Variants in COL25A1 observed in about 807,000 individuals in gnomAD.
COL25A1 encodes the protein collagen alpha-1(XXV) chain.
COL25A1 carries 103 observed loss-of-function variants against 128.4 expected under a neutral mutation model. That is an observed-to-expected ratio of 0.80 (90% CI 0.68 to 0.94). The LOEUF is 0.94. COL25A1 is among the 40% of genes least tolerant of loss of function. The probability of loss-of-function intolerance (pLI) is 0.00; values close to 1 mark genes in which losing one functional copy is unlikely to be tolerated. For missense variants in COL25A1, 745 were observed against 840.0 expected (o/e 0.89, Z 1.40); for synonymous variants, 279 against 277.2 (o/e 1.01, Z -0.06).
At chr4:108,962,251 G>A (rs1227113086) in intron 8 of COL25A1, among the ~76,000 whole-genome samples, 2 of 150,856 alleles carry the variant, frequency 1.3e-5, no homozygotes, top group East Asian at 3.9e-4. Flanking sequence ...GCAGTGGCAG[G>A]ATCTCGACTC....
At chr4:109,094,761 T>C (rs954314038) in intron 3 of COL25A1, among the ~76,000 whole-genome samples, 2 of 152,226 alleles carry the variant, frequency 1.3e-5, no homozygotes, top group African/African-American at 2.4e-5. Context: ...ATGTAGACTG[T>C]TGATGATTAG....
intron 3 of COL25A1, among the ~76,000 whole-genome samples, chr4:109,125,283 G>A (rs1046074977): frequency 6.6e-6 from 1 of 152,126 alleles, no homozygotes; most frequent in African/African-American, 2.4e-5. Flanking sequence ...TTTTTGGAAG[G>A]CAGTTGCTGC....
chr4:108,951,442 G>A (rs1490758231), intron 8 of COL25A1, among the ~76,000 whole-genome samples: 1 of 149,934 alleles, frequency 6.7e-6, no homozygotes. Context: ...CTGGAGTGCA[G>A]TGGTGCTATC....
At chr4:109,105,147 T>G (rs1435569165) in intron 3 of COL25A1, among the ~76,000 whole-genome samples, 1 of 152,164 alleles carries the variant, frequency 6.6e-6, no homozygotes, top group Non-Finnish European at 1.5e-5. Context: ...CTCTAAATAC[T>G]TTTGCATTTG....
intron 26 of COL25A1, among the ~76,000 whole-genome samples, chr4:108,849,574 G>A (rs1193872658): frequency 6.6e-6 from 1 of 152,130 alleles, no homozygotes; most frequent in East Asian, 1.9e-4. Flanking sequence ...CAAATGTTTA[G>A]TCACTTCTCA....
intron 3 of COL25A1, among the ~76,000 whole-genome samples, chr4:109,250,987 G>A (rs574997100): frequency 6.6e-6 from 1 of 152,228 alleles, no homozygotes; most frequent in African/African-American, 2.4e-5. Flanking sequence ...TGCAGAAGAG[G>A]ATGTAAAGTC....
chr4:108,926,887 G>T (rs978567089), intron 11 of COL25A1, among the ~76,000 whole-genome samples: 1 of 151,984 alleles, frequency 6.6e-6, no homozygotes, highest in African/African-American at 2.4e-5. Flanking sequence ...GTGTGGAAAT[G>T]CCAACTAGAA....
At position 109,057,421 on chromosome 4, in the gene COL25A1, A is replaced by ATTTTTTTTTTT. The variant is rs776941019; in HGVS notation, c.368-7253_368-7243dup. ...TAGCTGGGACCACCATGCCTAGCTA[A>ATTTTTTTTTTT]TTTTTTTTTTTTTTTTTTTTTTTTT... On this transcript the variant is annotated intron_variant, in intron 3 of 37. Transcript: ENST00000399132. 9.3e-3 allele frequency among the ~76,000 whole-genome samples: 188 copies of ATTTTTTTTTTT among 20,262 alleles called. 12 individuals are homozygous for ATTTTTTTTTTT. Among genetic ancestry groups the ATTTTTTTTTTT allele is most frequent in the Non-Finnish European group, 0.012 (139 of 11,488 alleles). The allele number at this position is 20,262 out of a possible 152,430, so 13.3% of individuals were successfully genotyped here. A position where few individuals can be genotyped will look rare whatever the true frequency, so the allele number is the denominator to read the frequency against.
At chr4:108,991,549 A>G (rs1391972628) in intron 6 of COL25A1, among the ~76,000 whole-genome samples, 2 of 152,324 alleles carry the variant, frequency 1.3e-5, no homozygotes, top group South Asian at 4.1e-4. Flanking sequence ...ATAAAATAAT[A>G]TAACAGAAAA....
chr4:108,848,218 AC>A, intron 27 of COL25A1, among the ~76,000 whole-genome samples: 1 of 152,330 alleles, frequency 6.6e-6, no homozygotes, highest in East Asian at 1.9e-4. Context: ...TACTATCTGG[AC>A]CTTTATTAAC....
At chr4:109,017,772 T>C (rs1446998807) in intron 5 of COL25A1, among the ~76,000 whole-genome samples, 1 of 152,194 alleles carries the variant, frequency 6.6e-6, no homozygotes, top group Non-Finnish European at 1.5e-5. Flanking sequence ...CTACAAAAAC[T>C]TGAGGAAATA....
intron 13 of COL25A1, among the ~76,000 whole-genome samples, chr4:108,916,614 T>C (rs1261987516): frequency 6.6e-6 from 1 of 152,240 alleles, no homozygotes; most frequent in Non-Finnish European, 1.5e-5. Context: ...ACAACATTTA[T>C]GCCATATCTG....
intron 8 of COL25A1, among the ~76,000 whole-genome samples, chr4:108,942,745 T>C (rs1748276072): frequency 7.4e-6 from 1 of 135,000 alleles, no homozygotes; most frequent in Admixed American, 7.6e-5. Flanking sequence ...CCACCACATC[T>C]GGACTTTTTT....
intron 5 of COL25A1, among the ~76,000 whole-genome samples, chr4:109,013,934 CT>C (rs1756957673): frequency 6.6e-6 from 1 of 152,170 alleles, no homozygotes; most frequent in African/African-American, 2.4e-5. Flanking sequence ...CTCTTGTGCA[CT>C]CCTCCCCCAC....
At chr4:109,282,150 G>A (rs911460921) in intron 3 of COL25A1, among the ~76,000 whole-genome samples, 4 of 151,718 alleles carry the variant, frequency 2.6e-5, no homozygotes, top group Admixed American at 1.3e-4. Flanking sequence ...ATCTCTCAAC[G>A]AAATCATTTT....
In COL25A1 at chr4:108,817,340, T is replaced by C. The variant is rs1654126038; in HGVS notation, c.1962+57A>G. ...GTCTTTTCTGAATGGAAAAGGCTAG[T>C]CCAGGTTAAGAGAAAGGGAGAGTGC... On this transcript the variant is annotated intron_variant, in intron 37 of 37. Transcript: ENST00000399132. 2.0e-5 allele frequency: 30 copies of C among 1,512,802 alleles called. No individual in the cohort carries two copies. The South Asian group carries it at 3.4e-4, about 17-fold the overall frequency. 93.7% of individuals were successfully genotyped at this position (1,512,802 alleles called of 1,614,324 possible). A position where few individuals can be genotyped will look rare whatever the true frequency, so the allele number is the denominator to read the frequency against.
At chr4:109,283,694 T>C (rs1430797372) in intron 3 of COL25A1, among the ~76,000 whole-genome samples, 1 of 152,232 alleles carries the variant, frequency 6.6e-6, no homozygotes, top group African/African-American at 2.4e-5. Flanking sequence ...CATCTGGCTT[T>C]AGACTTTAGT....
chr4:108,993,852 C>T (rs1306811706), intron 6 of COL25A1, among the ~76,000 whole-genome samples: 1 of 111,488 alleles, frequency 9.0e-6, no homozygotes, highest in East Asian at 3.0e-4. Flanking sequence ...AAGAGTGAAA[C>T]TCCATCTCAA....
At chr4:109,261,238 T>A (rs1019333973) in intron 3 of COL25A1, among the ~76,000 whole-genome samples, 1 of 152,096 alleles carries the variant, frequency 6.6e-6, no homozygotes, top group South Asian at 2.1e-4. Context: ...TATAAAGAAA[T>A]TAGGCCAGGC....
Sources: allele counts gnomAD v4.1 joint callset (sites outside exome capture counted in the v4.1 genomes callset), GRCh38; gene constraint gnomAD v4.1.1; transcripts MANE v1.5; gene names NCBI Gene and HGNC (gene_info 2026-07-23, HGNC 2026-07-21).